Variants in KCTD16 observed in about 807,000 individuals in gnomAD.
The protein encoded by KCTD16 is BTB/POZ domain-containing protein KCTD16.
In KCTD16, 13 loss-of-function variants were observed where a neutral mutation model predicts 33.2. That is an observed-to-expected ratio of 0.39 (90% CI 0.25 to 0.62). The LOEUF (loss-of-function observed/expected upper bound fraction) is 0.62. Ranked by LOEUF, KCTD16 falls within the 20% of genes least tolerant of loss-of-function variation. The pLI is 0.50. For synonymous variants in KCTD16, 197 were observed against 195.3 expected, an observed-to-expected ratio of 1.01 and a Z score of -0.07; for missense variants, 441 against 525.1, an observed-to-expected ratio of 0.84 and a Z score of 1.57.
At chr5:144,448,103 C>T (rs35470729) in intron 3 of KCTD16, among the ~76,000 whole-genome samples, 2,777 of 149,424 alleles carry the variant, frequency 0.019, 46 homozygotes, top group Middle Eastern at 0.044. Flanking sequence ...TCAGTCATAT[C>T]CAATTACTTG....
chr5:144,370,074 T>A (rs2126923076), intron 3 of KCTD16, among the ~76,000 whole-genome samples: 1 of 151,860 alleles, frequency 6.6e-6, no homozygotes, highest in Admixed American at 6.6e-5. Flanking sequence ...ATGAAGGCAG[T>A]TTGTGGGTGC....
intron 3 of KCTD16, among the ~76,000 whole-genome samples, chr5:144,467,953 A>G (rs1419888091): frequency 6.6e-6 from 1 of 152,100 alleles, no homozygotes; most frequent in Non-Finnish European, 1.5e-5. Flanking sequence ...GGCTCTGTCA[A>G]TAGAGGGTGC....
At position 144,481,501 on chromosome 5, in the gene KCTD16, A is replaced by G. The variant is rs1754702780; in HGVS notation, c.*7387A>G. On this transcript the variant is annotated 3_prime_UTR_variant, in exon 4 of 4. Transcript: ENST00000512467. The stretch of plus-strand genomic sequence containing the variant: ...TACTGAGTCTTATTGTTTAGTTTAT[A>G]TACACTGACTTTATTAGAACACAAT... 6.6e-6 allele frequency: 1 copy of G among 151,902 alleles called. No individual in the cohort carries two copies. The highest frequency in any genetic ancestry group is 2.1e-4 in the South Asian group (1 of 4,830). The allele number at this position is 151,902 out of a possible 1,614,324, so 9.4% of individuals were successfully genotyped here.
At chr5:144,286,677 T>C (rs1755754286) in intron 3 of KCTD16, among the ~76,000 whole-genome samples, 1 of 152,222 alleles carries the variant, frequency 6.6e-6, no homozygotes, top group South Asian at 2.1e-4. Context: ...ATTTTTACTC[T>C]AAAATACTTT....
chr5:144,255,578 A>T (rs928413201), intron 3 of KCTD16, among the ~76,000 whole-genome samples: 3 of 152,166 alleles, frequency 2.0e-5, no homozygotes, highest in Admixed American at 6.6e-5. Flanking sequence ...TTCTGAAGTG[A>T]CATCTTTTTA....
intron 3 of KCTD16, among the ~76,000 whole-genome samples, chr5:144,347,874 A>T (rs1472853835): frequency 1.3e-5 from 2 of 152,110 alleles, no homozygotes; most frequent in Admixed American, 1.3e-4. Flanking sequence ...CCCTGCTGAG[A>T]TCTGCCCCAG....
chr5:144,186,431 A>G (rs1251239422), intron 2 of KCTD16, among the ~76,000 whole-genome samples: 1 of 151,674 alleles, frequency 6.6e-6, no homozygotes, highest in African/African-American at 2.4e-5. Context: ...TAAAGTTTAA[A>G]TAAAAAATTG....
intron 3 of KCTD16, among the ~76,000 whole-genome samples, chr5:144,326,218 G>T (rs1752204688): frequency 1.3e-5 from 2 of 152,212 alleles, no homozygotes; most frequent in South Asian, 4.1e-4. Flanking sequence ...ACCATGGGAG[G>T]CATCCCTTCA....
chr5:144,435,704 G>A lies in KCTD16; in HGVS notation c.833-37956G>A, dbSNP rs78075719. On this transcript the variant is annotated intron_variant, in intron 3 of 3. Transcript: ENST00000512467. ...CAAAGAAGTTGGGGTTATTTACACC[G>A]CCTTGTAATAGTATCAGACAATTTC... Among the ~76,000 whole-genome samples, 603 of 152,114 alleles carry A rather than the reference G, an allele frequency of 4.0e-3. 2 individuals are homozygous for A. The highest frequency in any genetic ancestry group is 0.013 in the African/African-American group (558 of 41,510).
chr5:144,434,815 A>G (rs1398318131), intron 3 of KCTD16, among the ~76,000 whole-genome samples: 1 of 152,308 alleles, frequency 6.6e-6, no homozygotes, highest in Non-Finnish European at 1.5e-5. Flanking sequence ...CGCAAATACA[A>G]TTGTGACACT....
chr5:144,189,876 T>A (rs1752807226), intron 2 of KCTD16, among the ~76,000 whole-genome samples: 1 of 152,182 alleles, frequency 6.6e-6, no homozygotes, highest in Admixed American at 6.5e-5. Flanking sequence ...CCACAGTGGC[T>A]TTAAAGAGTT....
intron 3 of KCTD16, among the ~76,000 whole-genome samples, chr5:144,262,715 C>A (rs932762605): frequency 7.2e-5 from 11 of 152,210 alleles, no homozygotes; most frequent in African/African-American, 2.2e-4. Flanking sequence ...TTTTATATTA[C>A]TGATCAGTTA....
intron 2 of KCTD16, among the ~76,000 whole-genome samples, chr5:144,175,386 A>G (rs1456052140): frequency 3.3e-5 from 5 of 152,240 alleles, no homozygotes; most frequent in South Asian, 2.1e-4. Flanking sequence ...AGAAAAGTCA[A>G]TAATTCTGAT....
chr5:144,459,106 C>T (rs765860732), intron 3 of KCTD16, among the ~76,000 whole-genome samples: 9 of 152,118 alleles, frequency 5.9e-5, no homozygotes, highest in Non-Finnish European at 1.0e-4. Flanking sequence ...TGGAGACAGC[C>T]GGAGCATCTT....
intron 3 of KCTD16, among the ~76,000 whole-genome samples, chr5:144,240,942 G>A (rs551145479): frequency 6.6e-6 from 1 of 152,200 alleles, no homozygotes; most frequent in African/African-American, 2.4e-5. Flanking sequence ...GGCTGGTGAG[G>A]AGATACAAGA....
At chr5:144,392,711 T>G (rs1409633203) in intron 3 of KCTD16, among the ~76,000 whole-genome samples, 2 of 152,166 alleles carry the variant, frequency 1.3e-5, no homozygotes, top group Admixed American at 6.5e-5. Context: ...AAAACTGACT[T>G]TGGTCAATGA....
intron 3 of KCTD16, among the ~76,000 whole-genome samples, chr5:144,221,605 T>C: frequency 6.6e-6 from 1 of 152,218 alleles, no homozygotes; most frequent in East Asian, 1.9e-4. Flanking sequence ...ATTCATCCCT[T>C]TTTATGGCTG....
At chr5:144,436,821 C>T (rs188801410) in intron 3 of KCTD16, among the ~76,000 whole-genome samples, 51 of 152,054 alleles carry the variant, frequency 3.4e-4, no homozygotes, top group African/African-American at 1.1e-3. Flanking sequence ...CTCCTGACCT[C>T]GTGATCCTCC....
At chr5:144,384,309 G>A (rs777824012) in intron 3 of KCTD16, 5 of 152,154 alleles carry the variant, frequency 3.3e-5, no homozygotes, top group Non-Finnish European at 7.3e-5. Flanking sequence ...AAGCTGGTAA[G>A]GGGATAGAAC....
Sources: allele counts gnomAD v4.1 joint callset (sites outside exome capture counted in the v4.1 genomes callset), GRCh38; gene constraint gnomAD v4.1.1; transcripts MANE v1.5; gene names NCBI Gene and HGNC (gene_info 2026-07-23, HGNC 2026-07-21).